GSE1: variants seen among roughly 807,000 people sequenced by gnomAD.
GSE1 encodes genetic suppressor element 1.
Under a neutral mutation model 112.6 loss-of-function variants are expected in GSE1, and 32 were observed. The ratio of observed to expected loss-of-function variants is 0.28; its 90% CI spans 0.21 to 0.38. GSE1 has a LOEUF of 0.38. GSE1 is among the 10% of genes least tolerant of loss of function. The probability of loss-of-function intolerance (pLI) is 1.00; values close to 1 mark genes in which losing one functional copy is unlikely to be tolerated. For synonymous variants in GSE1, 1,115 were observed against 735.6 expected (o/e 1.52, Z -8.35); for missense variants, 2,348 against 1,699.2 (o/e 1.38, Z -6.71).
At chr16:85,631,322 C>G (rs1234448571) in intron 1 of GSE1, among the ~76,000 whole-genome samples, 1 of 152,266 alleles carries the variant, frequency 6.6e-6, no homozygotes, top group African/African-American at 2.4e-5. Flanking sequence ...GGCACCAGGA[C>G]AAGAGCTCTG....
rs539290233 is a variant in GSE1, at chr16:85,373,179, C to A, written c.2464+15536C>A. On this transcript the variant is annotated intron_variant, in intron 2 of 2. Coordinates refer to the GSE1 transcript ENST00000637419. The surrounding 1 kb of genome is among the most constrained non-coding windows in gnomAD (Gnocchi z 5.1). The stretch of plus-strand genomic sequence containing the variant: ...TGGCCATGGGATGCCGGCTCCTTGT[C>A]CACCAGGGTGGGTGCCAGGCGCCTG... 3.9e-5 allele frequency among the ~76,000 whole-genome samples: 6 copies of A among 152,338 alleles called. 1 individual carries two copies. In the South Asian group the frequency reaches 1.2e-3, roughly 32 times the overall value.
intron 1 of GSE1, among the ~76,000 whole-genome samples, chr16:85,605,059 C>T (rs1206706418): frequency 5.3e-5 from 8 of 150,400 alleles, no homozygotes; most frequent in South Asian, 2.1e-4. Context: ...CCTTGTGATC[C>T]GTCCGCCTCG....
chr16:85,314,980 G>T (rs746518102), intron 1 of GSE1, among the ~76,000 whole-genome samples: 3 of 152,236 alleles, frequency 2.0e-5, no homozygotes, highest in Non-Finnish European at 4.4e-5. Context: ...TGCTTGGGAA[G>T]AAAACTGGTT....
At chr16:85,462,909 C>A (rs1195946817) in intron 2 of GSE1, among the ~76,000 whole-genome samples, 4 of 151,128 alleles carry the variant, frequency 2.6e-5, no homozygotes, top group Non-Finnish European at 5.9e-5. Flanking sequence ...AGGGACGCCC[C>A]GGCTGCTCCG....
At chr16:85,461,770 G>A (rs2049975051) in intron 2 of GSE1, among the ~76,000 whole-genome samples, 1 of 152,136 alleles carries the variant, frequency 6.6e-6, no homozygotes, top group Admixed American at 6.5e-5. Context: ...TGGCCAGCCA[G>A]CCTCACTAGA....
At chr16:85,612,130 G>T (rs1263916739), upstream of GSE1, among the ~76,000 whole-genome samples, 2 of 151,932 alleles carry the variant, frequency 1.3e-5, no homozygotes, top group African/African-American at 4.8e-5. Flanking sequence ...CGCCCGGGGG[G>T]GTTACAGCCC....
chr16:85,455,089 C>T (rs1006366840), intron 2 of GSE1, among the ~76,000 whole-genome samples: 5 of 152,206 alleles, frequency 3.3e-5, no homozygotes, highest in African/African-American at 1.2e-4. Flanking sequence ...ATCAGAGGAG[C>T]GGGTTGGGGT....
rs569777105 is a variant in GSE1, at chr16:85,206,764, GCCGCCAGGATGGAGGTGCTGGCCCC to G, written c.2283+34990_2283+35014del. ...CTTGGAGAAAGGGGGAAGCTTCTAG[GCCGCCAGGATGGAGGTGCTGGCCCC>G]CCGCCAGGATGGAGGTGCTGGCCCC... On this transcript the variant is annotated intron_variant, in intron 1 of 2. Transcript: ENST00000637419. Among the ~76,000 whole-genome samples, 754 of 151,936 alleles carry G rather than the reference GCCGCCAGGATGGAGGTGCTGGCCCC, an allele frequency of 5.0e-3. 3 individuals are homozygous for G. Among genetic ancestry groups the G allele is most frequent in the African/African-American group, 0.013 (558 of 41,384 alleles).
intron 1 of GSE1, among the ~76,000 whole-genome samples, chr16:85,177,041 C>T (rs2074481483): frequency 6.6e-6 from 1 of 152,228 alleles, no homozygotes; most frequent in Non-Finnish European, 1.5e-5. Flanking sequence ...TGGAAAGTGG[C>T]CAGGCCCTTC....
Position 85,675,524 on chromosome 16 carries a change from G to C in GSE1, c.*2985G>C, listed in dbSNP as rs566532826. ...TGAATTGGGACTAACATTCTGATAG[G>C]TTGCACCCTTAAGAGTATTCAGAGA... On this transcript the variant is annotated 3_prime_UTR_variant, in exon 16 of 16. Transcript: ENST00000253458. The C allele has an allele frequency of 2.0e-5, 3 of 152,268 alleles. No homozygotes were observed. Among genetic ancestry groups the C allele is most frequent in the African/African-American group, 4.8e-5 (2 of 41,566 alleles). The allele number at this position is 152,268 out of a possible 1,614,324, so 9.4% of individuals were successfully genotyped here. A position where few individuals can be genotyped will look rare whatever the true frequency, so the allele number is the denominator to read the frequency against.
chr16:85,582,431 G>A (rs1349558047), intron 1 of GSE1, among the ~76,000 whole-genome samples: 1 of 152,200 alleles, frequency 6.6e-6, no homozygotes, highest in African/African-American at 2.4e-5. Context: ...AGGAAATGGT[G>A]TTCTTGGGGC....
chr16:85,605,163 C>T (rs1438440470), intron 1 of GSE1, among the ~76,000 whole-genome samples: 4 of 151,854 alleles, frequency 2.6e-5, no homozygotes, highest in African/African-American at 7.3e-5. Flanking sequence ...CTTGGGTGGC[C>T]GGCTGGGCCC....
rs748902511 is a variant in GSE1 at position 85,666,053 on chromosome 16, G to A, written c.2836G>A (p.Ala946Thr). Reference protein sequence around the residue: ...VAASLSDIPKAAEPGKLEQVR... With the variant: ...VAASLSDIPKTAEPGKLEQVR... ...TGCTTCCTTGTCTGACATCCCAAAGGCCGCGGAGCCTGGGAAGCTGGAACA... is the reference window on the plus strand; with the variant it reads ...TGCTTCCTTGTCTGACATCCCAAAGACCGCGGAGCCTGGGAAGCTGGAACA... The change falls in exon 13 of 16, where the codon GCC becomes ACC. Residue 946 changes from alanine to threonine, a missense_variant. Coordinates refer to ENST00000253458, the MANE Select transcript of GSE1 (RefSeq NM_014615.5). 1.2e-6 allele frequency: 2 copies of A among 1,613,578 alleles called. No individual in the cohort carries two copies. The highest frequency in any genetic ancestry group is 2.2e-5 in the South Asian group (2 of 91,092).
upstream of GSE1, among the ~76,000 whole-genome samples, chr16:85,608,097 C>T (rs561351113): frequency 6.6e-6 from 1 of 152,312 alleles, no homozygotes; most frequent in East Asian, 1.9e-4. Context: ...GAAAAGCCTT[C>T]TTGCAAGAGA....
intron 2 of GSE1, among the ~76,000 whole-genome samples, chr16:85,445,001 C>A (rs1056147311): frequency 6.6e-6 from 1 of 152,214 alleles, no homozygotes; most frequent in South Asian, 2.1e-4. Context: ...GATCTTGAGC[C>A]GCTTTTCATG....
chr16:85,559,078 G>A (rs1440969418), intron 1 of GSE1, among the ~76,000 whole-genome samples: 3 of 152,156 alleles, frequency 2.0e-5, no homozygotes, highest in African/African-American at 4.8e-5. Context: ...GGCTGGTCTC[G>A]AACTCCTGAC....
At chr16:85,656,762 G>C (rs1377167557) in intron 7 of GSE1, 97 bp downstream of exon 7, 4 of 1,421,646 alleles carry the variant, frequency 2.8e-6, no homozygotes, top group African/African-American at 2.9e-5. Context: ...TGGTGTAAAT[G>C]TTCCCCAGCT....
rs376196840 is a variant in GSE1, at chr16:85,620,073, ATTGC to A, written c.7+6679_7+6682del. On this transcript the variant is annotated intron_variant, in intron 1 of 15. Coordinates refer to ENST00000253458, the MANE Select transcript of GSE1 (RefSeq NM_014615.5). ...CACTCCAGGAGGCCGAGGCAGGTGG[ATTGC>A]TTGAGCTCTGCAGTTTAAGACCTCC... 5.9e-3 allele frequency among the ~76,000 whole-genome samples: 893 copies of A among 152,232 alleles called. 7 individuals carry two copies. Among genetic ancestry groups the A allele is most frequent in the Non-Finnish European group, 0.01 (691 of 68,014 alleles).
chr16:85,526,442 G>T (rs1246348542), intron 2 of GSE1, among the ~76,000 whole-genome samples: 1 of 152,272 alleles, frequency 6.6e-6, no homozygotes, highest in Non-Finnish European at 1.5e-5. Flanking sequence ...CGCGCCAGCA[G>T]CCAGGACTGC....
Sources: gnomAD v4.1 joint callset for allele counts (sites outside exome capture counted in the v4.1 genomes callset) on GRCh38, gnomAD v4.1.1 for gene constraint, Gnocchi (gnomAD v3.1) non-coding constraint, MANE v1.5 for transcripts, NCBI Gene and HGNC (gene_info 2026-07-23, HGNC 2026-07-21) for gene names.